SPP1: variants seen among roughly 807,000 people sequenced by gnomAD.
SPP1 encodes the protein secreted phosphoprotein 1.
A neutral mutation model predicts 20.8 loss-of-function variants in SPP1; 18 were observed. The observed-to-expected ratio is 0.87, with a 90% confidence interval of 0.60 to 1.29. The LOEUF (loss-of-function observed/expected upper bound fraction) is 1.29, where lower values mean the gene tolerates loss of function less well. Ranked by LOEUF, SPP1 falls within the 50% of genes most tolerant of loss-of-function variation. The pLI is 0.00. For synonymous variants in SPP1, 146 were observed against 141.5 expected, an observed-to-expected ratio of 1.03 and a Z score of -0.23; for missense variants, 363 against 389.0, an observed-to-expected ratio of 0.93 and a Z score of 0.56.
At chr4:87,979,910 A>C in intron 3 of SPP1, 136 bp from the exon 4 acceptor site, 1 of 790,066 alleles carries the variant, frequency 1.3e-6, no homozygotes, top group Non-Finnish European at 2.0e-6. Flanking sequence ...TCTGCAAAAA[A>C]AAAAAAATTA....
Position 87,980,073 on chromosome 4 carries a change from G to C in SPP1, c.121G>C (p.Ala41Pro). The C allele has an allele frequency of 6.2e-7, 1 of 1,614,014 alleles. No individual in the cohort carries two copies. The highest frequency in any genetic ancestry group is 1.7e-5 in the Admixed American group (1 of 60,000). ...TTACAACAAATACCCAGATGCTGTG[G>C]CCACATGGCTAAACCCTGACCCATC... ...QLYNKYPDAVATWLNPDPSQK... is the reference protein window; with the variant it reads ...QLYNKYPDAVPTWLNPDPSQK... The change falls in exon 4 of 7, where the codon GCC becomes CCC. Residue 41 changes from alanine to proline, a missense_variant. By Grantham distance (27) the Ala-to-Pro change is conservative. Transcript: ENST00000395080.
At position 87,982,914 on chromosome 4, in the gene SPP1, T is replaced by C. The variant is rs1446725301; in HGVS notation, c.*18T>C. 4.5e-6 allele frequency: 7 copies of C among 1,565,426 alleles called. No individual in the cohort carries two copies. In the South Asian group the frequency reaches 4.8e-5, roughly 11 times the overall value. On this transcript the variant is annotated 3_prime_UTR_variant, in exon 7 of 7. Transcript: ENST00000395080. ...TCAATTAAAAGGAGAAAAAATACAA[T>C]TTCTCACTTTGCATTTAGTCAAAAG...
intron 3 of SPP1, chr4:87,977,583 G>A (rs1180915740): frequency 8.7e-6 from 8 of 922,522 alleles, no homozygotes; most frequent in Non-Finnish European, 1.1e-5. Flanking sequence ...TATCTATTGT[G>A]ATTGTCAGCT....
intron 3 of SPP1, chr4:87,978,091 C>T (rs1246662800): frequency 6.2e-6 from 1 of 162,028 alleles, no homozygotes; most frequent in Non-Finnish European, 1.3e-5. Flanking sequence ...GCTCAAGGCT[C>T]AGCCTTCTAG....
chr4:87,981,836 A>G (rs1725663178), intron 6 of SPP1, 38 bp downstream of exon 6: 2 of 1,575,770 alleles, frequency 1.3e-6, no homozygotes, highest in African/African-American at 1.3e-5. Flanking sequence ...GGTTCTGACT[A>G]GCGCTCAAGT....
At chr4:87,976,509 C>T (rs568704216) in intron 1 of SPP1, among the ~76,000 whole-genome samples, 9 of 151,954 alleles carry the variant, frequency 5.9e-5, no homozygotes, top group Admixed American at 2.6e-4. Context: ...GTTTTTTCTT[C>T]TCTAAAAAAT....
chr4:87,982,972 A>C lies in SPP1; in HGVS notation c.*76A>C. 1 of 1,335,372 alleles carries C rather than the reference A, an allele frequency of 7.5e-7. No individual in the cohort carries two copies. The highest frequency in any genetic ancestry group is 1.0e-6 in the Non-Finnish European group (1 of 986,710). The allele number at this position is 1,335,372 out of a possible 1,614,324, so 82.7% of individuals were successfully genotyped here. ...GCTTTATAGCAAAATGAAAGAGAAC[A>C]TGAAATGCTTCTTTCTCAGTTTATT... On this transcript the variant is annotated 3_prime_UTR_variant, in exon 7 of 7. Coordinates refer to ENST00000395080, the MANE Select transcript of SPP1 (RefSeq NM_001040058.2).
At chr4:87,982,067 A>G (rs985206649) in intron 6 of SPP1, among the ~76,000 whole-genome samples, 14 of 152,152 alleles carry the variant, frequency 9.2e-5, no homozygotes, top group Admixed American at 5.9e-4. Flanking sequence ...AATAAATGGA[A>G]AACACCAATT....
intron 3 of SPP1, among the ~76,000 whole-genome samples, chr4:87,978,660 G>A (rs911007627): frequency 1.3e-5 from 2 of 152,130 alleles, no homozygotes; most frequent in African/African-American, 4.8e-5. Flanking sequence ...GGGATTACAG[G>A]CGTGAGCCAC....
chr4:87,976,597 A>C lies in SPP1; in HGVS notation c.-14-285A>C, dbSNP rs375435899. ...GTTTAGAGAGCTAGATATATAAGGT[A>C]GTAATGGTATAATTTCTGGAACTCT... On this transcript the variant is annotated intron_variant, in intron 1 of 6. Coordinates refer to ENST00000395080, the MANE Select transcript of SPP1 (RefSeq NM_001040058.2). 2.0e-4 allele frequency among the ~76,000 whole-genome samples: 31 copies of C among 152,340 alleles called. No individual in the cohort carries two copies. The South Asian group carries it at 6.2e-3, about 31-fold the overall frequency.
chr4:87,981,878 T>TCATTCATCCATTCATTCATC (rs1725665079), intron 6 of SPP1, 80 bp downstream of exon 6: 3 of 1,200,696 alleles, frequency 2.5e-6, no homozygotes, highest in Non-Finnish European at 3.5e-6. Flanking sequence ...ATTCATTCAT[T>TCATTCATCCATTCATTCATC]CATTCATCCA....
chr4:87,977,967 T>C (rs1721201739), intron 3 of SPP1: 3 of 629,472 alleles, frequency 4.8e-6, no homozygotes, highest in Admixed American at 5.7e-5. Flanking sequence ...CCAGAGAAGA[T>C]AGAGGTCATA....
At chr4:87,982,407 C>T in intron 6 of SPP1, 85 bp from the exon 7 acceptor site, 1 of 1,487,766 alleles carries the variant, frequency 6.7e-7, no homozygotes, top group Admixed American at 2.3e-5. Flanking sequence ...ATAAGATGAC[C>T]TAAAAGCTAG....
At chr4:87,979,279 C>T (rs1161030178) in intron 3 of SPP1, among the ~76,000 whole-genome samples, 2 of 151,518 alleles carry the variant, frequency 1.3e-5, no homozygotes, top group Middle Eastern at 3.4e-3. Flanking sequence ...ATTCTCTTGC[C>T]TCAGCCTCCC....
Position 87,981,538 on chromosome 4 carries a change from GA to G in SPP1, c.281del (p.Asp94ValfsTer18). 8 of 1,614,058 alleles carry G rather than the reference GA, an allele frequency of 5.0e-6. No individual in the cohort carries two copies. Among genetic ancestry groups the G allele is most frequent in the Non-Finnish European group, 6.8e-6 (8 of 1,179,964 alleles). ...HMDDMDDEDD[D>X]DHVDSQDSID... ...GGATGATATGGATGATGAAGATGAT[GA>G]TGACCATGTGGACAGCCAGGACTCC... On this transcript the variant is annotated frameshift_variant, in exon 6 of 7. Coordinates refer to ENST00000395080, the MANE Select transcript of SPP1 (RefSeq NM_001040058.2). LOFTEE classifies it high-confidence loss of function.
At chr4:87,979,041 C>A (rs193040816) in intron 3 of SPP1, among the ~76,000 whole-genome samples, 1 of 152,004 alleles carries the variant, frequency 6.6e-6, no homozygotes, top group Non-Finnish European at 1.5e-5. Flanking sequence ...CACCTTACAG[C>A]AATAGAACTT....
At position 87,976,936 on chromosome 4, in the gene SPP1, C is replaced by A. The variant is rs1489536139; in HGVS notation, c.41C>A (p.Thr14Asn). 6.2e-7 allele frequency: 1 copy of A among 1,613,684 alleles called. No homozygotes were observed. Among genetic ancestry groups the A allele is most frequent in the Non-Finnish European group, 8.5e-7 (1 of 1,179,610 alleles). ...ATTTGCTTTTGCCTCCTAGGCATCACCTGTGCCATACCAGTGAGTACAGTT... is the reference window on the plus strand; with the variant it reads ...ATTTGCTTTTGCCTCCTAGGCATCAACTGTGCCATACCAGTGAGTACAGTT... ...AVICFCLLGI[T>N]CAIPVKQADS... The change falls in exon 2 of 7, where the codon ACC becomes AAC. Residue 14 changes from threonine to asparagine, a missense_variant. Physicochemically the swap from Thr to Asn is moderately conservative, Grantham distance 65. Transcript: ENST00000395080.
At position 87,981,630 on chromosome 4, in the gene SPP1, C is replaced by T; in HGVS notation, c.372C>T (p.His124=). The T allele has an allele frequency of 6.2e-7, 1 of 1,614,194 alleles. No homozygotes were observed. Among genetic ancestry groups the T allele is most frequent in the East Asian group, 2.2e-5 (1 of 44,880 alleles). The change falls in exon 6 of 7, where the codon CAC becomes CAT. Residue 124 remains histidine (H), a synonymous_variant. Transcript: ENST00000395080. ...ATTCTCACCAGTCTGATGAGTCTCACCATTCTGATGAATCTGATGAACTGG... is the reference window on the plus strand; with the variant it reads ...ATTCTCACCAGTCTGATGAGTCTCATCATTCTGATGAATCTGATGAACTGG... ...TDDSHQSDES[H]HSDESDELVT... is the part of the protein sequence containing the mutation.
chr4:87,980,707 T>G, intron 5 of SPP1: 1 of 446,798 alleles, frequency 2.2e-6, no homozygotes, highest in Non-Finnish European at 3.9e-6. Context: ...AGATATCTAA[T>G]ATCTAATAAG....
Sources: gnomAD v4.1 joint callset for allele counts (sites outside exome capture counted in the v4.1 genomes callset) on GRCh38, gnomAD v4.1.1 for gene constraint, MANE v1.5 for transcripts, NCBI Gene and HGNC (gene_info 2026-07-23, HGNC 2026-07-21) for gene names.